Variants in MGMT observed in about 807,000 individuals in gnomAD.
The protein encoded by MGMT is O-6-methylguanine-DNA methyltransferase, also known as methylated-DNA--protein-cysteine methyltransferase.
A neutral mutation model predicts 15.9 loss-of-function variants in MGMT; 14 were observed. The ratio of observed to expected loss-of-function variants is 0.88; its 90% CI spans 0.58 to 1.37. MGMT has a LOEUF of 1.37. Ranked by LOEUF, MGMT falls within the 40% of genes most tolerant of loss-of-function variation. MGMT has a pLI of 0.00. For synonymous variants in MGMT, 130 were observed against 118.2 expected, an observed-to-expected ratio of 1.10 and a Z score of -0.65; for missense variants, 282 against 268.1, an observed-to-expected ratio of 1.05 and a Z score of -0.36.
chr10:129,497,887 C>T (rs753855014), intron 1 of MGMT, among the ~76,000 whole-genome samples: 7 of 152,324 alleles, frequency 4.6e-5, no homozygotes, highest in South Asian at 2.1e-4. Flanking sequence ...TTATCAGACA[C>T]GGGCTCTGGC....
intron 3 of MGMT, among the ~76,000 whole-genome samples, chr10:129,734,730 G>A (rs1461229365): frequency 2.0e-5 from 3 of 152,062 alleles, no homozygotes; most frequent in East Asian, 1.9e-4. Flanking sequence ...TTTGAGATAC[G>A]TCCCATCAAT....
rs149207788 is a variant in MGMT at position 129,573,422 on chromosome 10, T to G, written c.125+37045T>G. On this transcript the variant is annotated intron_variant, in intron 2 of 4. Coordinates refer to ENST00000651593, the MANE Select transcript of MGMT (RefSeq NM_002412.5). ...GTTTGTCAAAACTAGGAGATTAACA[T>G]TGGTCCATTGTGGTCAGATTTTTAA... is the stretch of plus-strand genomic sequence containing the variant. Among the ~76,000 whole-genome samples, 148 of 152,308 alleles carry G rather than the reference T, an allele frequency of 9.7e-4. 1 individual carries two copies. The highest frequency in any genetic ancestry group is 1.5e-3 in the Non-Finnish European group (99 of 68,014).
At chr10:129,514,943 C>G (rs1479666182) in intron 1 of MGMT, among the ~76,000 whole-genome samples, 1 of 152,208 alleles carries the variant, frequency 6.6e-6, no homozygotes, top group Non-Finnish European at 1.5e-5. Flanking sequence ...CTGTCAGCAT[C>G]AGGACTGACA....
At chr10:129,719,917 A>G (rs546699183) in intron 3 of MGMT, among the ~76,000 whole-genome samples, 1 of 152,358 alleles carries the variant, frequency 6.6e-6, no homozygotes, top group East Asian at 1.9e-4. Context: ...CTTATTTCAC[A>G]GATAGTCTTT....
At chr10:129,614,134 A>C (rs1437872899) in intron 2 of MGMT, among the ~76,000 whole-genome samples, 1 of 151,908 alleles carries the variant, frequency 6.6e-6, no homozygotes, top group Non-Finnish European at 1.5e-5. Context: ...CCACCCTTCT[A>C]CTGTCTCTAT....
intron 2 of MGMT, among the ~76,000 whole-genome samples, chr10:129,547,886 C>G (rs1846114379): frequency 6.6e-6 from 1 of 152,318 alleles, no homozygotes; most frequent in African/African-American, 2.4e-5. Flanking sequence ...AAGGACTGGG[C>G]TGAGAGCACA....
At chr10:129,686,199 CTT>C (rs921345842) in intron 2 of MGMT, among the ~76,000 whole-genome samples, 2 of 151,074 alleles carry the variant, frequency 1.3e-5, no homozygotes, top group African/African-American at 4.9e-5. Context: ...AACAGAAGCA[CTT>C]TTTTTAAACA....
intron 2 of MGMT, among the ~76,000 whole-genome samples, chr10:129,684,499 C>T (rs1035489394): frequency 6.6e-6 from 1 of 152,206 alleles, no homozygotes; most frequent in Admixed American, 6.5e-5. Flanking sequence ...TTGGACACTT[C>T]TCAAAAGATA....
chr10:129,559,332 C>T (rs901265249), intron 2 of MGMT, among the ~76,000 whole-genome samples: 23 of 152,002 alleles, frequency 1.5e-4, no homozygotes, highest in Non-Finnish European at 2.8e-4. Context: ...CTTTGCCCTG[C>T]GATCCCATAA....
At chr10:129,634,468 C>T (rs561359299) in intron 2 of MGMT, among the ~76,000 whole-genome samples, 1 of 152,190 alleles carries the variant, frequency 6.6e-6, no homozygotes, top group African/African-American at 2.4e-5. Context: ...CAGATATGTA[C>T]GATTTCCTGA....
intron 2 of MGMT, among the ~76,000 whole-genome samples, chr10:129,599,502 G>C (rs1033001418): frequency 2.0e-5 from 3 of 152,102 alleles, no homozygotes; most frequent in Non-Finnish European, 4.4e-5. Flanking sequence ...TCATCCCTTC[G>C]AGGCAGTGGT....
At chr10:129,631,654 C>G (rs994777301) in intron 2 of MGMT, among the ~76,000 whole-genome samples, 4 of 152,128 alleles carry the variant, frequency 2.6e-5, no homozygotes, top group Non-Finnish European at 4.4e-5. Context: ...AAAACCCCGT[C>G]TCCACCAAAA....
intron 2 of MGMT, among the ~76,000 whole-genome samples, chr10:129,664,447 G>A (rs1847634898): frequency 6.6e-6 from 1 of 152,218 alleles, no homozygotes; most frequent in Non-Finnish European, 1.5e-5. Flanking sequence ...AGTTGGTGCA[G>A]TTGACTTGGA....
At chr10:129,549,558 C>G (rs926385855) in intron 2 of MGMT, among the ~76,000 whole-genome samples, 1 of 152,190 alleles carries the variant, frequency 6.6e-6, no homozygotes, top group Non-Finnish European at 1.5e-5. Context: ...GTCACTTTAG[C>G]CTAACATGTC....
intron 3 of MGMT, among the ~76,000 whole-genome samples, chr10:129,745,384 C>G (rs879351176): frequency 6.6e-6 from 1 of 152,156 alleles, no homozygotes; most frequent in Admixed American, 6.5e-5. Flanking sequence ...CACGCCGCCC[C>G]CTGGCAGCCA....
intron 2 of MGMT, among the ~76,000 whole-genome samples, chr10:129,665,963 A>T (rs2133108945): frequency 6.6e-6 from 1 of 152,310 alleles, no homozygotes; most frequent in African/African-American, 2.4e-5. Context: ...GAATTTCCTC[A>T]GTTTGACAAC....
In MGMT at chr10:129,747,608, A is replaced by G. The variant is rs562442151; in HGVS notation, c.275-11594A>G. Among the ~76,000 whole-genome samples the G allele has an allele frequency of 6.6e-4, 101 of 152,292 alleles. No individual in the cohort carries two copies. In the East Asian group the frequency reaches 0.013, roughly 20 times the overall value. On this transcript the variant is annotated intron_variant, in intron 3 of 4. Coordinates refer to ENST00000651593, the MANE Select transcript of MGMT (RefSeq NM_002412.5). ...TACCATTGATTCTTATTATGATGAC[A>G]TTTACACTTGACATCTTACATTAGT...
chr10:129,509,862 G>T (rs1343417762), intron 1 of MGMT, among the ~76,000 whole-genome samples: 1 of 152,200 alleles, frequency 6.6e-6, no homozygotes, highest in Non-Finnish European at 1.5e-5. Flanking sequence ...ACACCAAATG[G>T]CTCCAGCACC....
intron 1 of MGMT, among the ~76,000 whole-genome samples, chr10:129,518,896 C>T (rs1250112404): frequency 6.6e-6 from 1 of 151,844 alleles, no homozygotes; most frequent in African/African-American, 2.4e-5. Flanking sequence ...CAGCTGTATA[C>T]ATACATATTT....
Sources: gnomAD v4.1 joint callset for allele counts (sites outside exome capture counted in the v4.1 genomes callset) on GRCh38, gnomAD v4.1.1 for gene constraint, MANE v1.5 for transcripts, NCBI Gene and HGNC (gene_info 2026-07-23, HGNC 2026-07-21) for gene names.